The following CDH5 variants were observed in gnomAD, a reference collection of about 807,000 sequenced individuals.
CDH5 encodes the protein cadherin-5.
CDH5 carries 28 observed loss-of-function variants against 62.0 expected under a neutral mutation model. The ratio of observed to expected loss-of-function variants is 0.45; its 90% CI spans 0.33 to 0.62. The LOEUF (loss-of-function observed/expected upper bound fraction) is 0.62. Ranked by LOEUF, CDH5 falls within the 20% of genes least tolerant of loss-of-function variation. The pLI is 0.02. For synonymous variants in CDH5, 464 were observed against 445.8 expected (o/e 1.04, Z -0.52); for missense variants, 940 against 1,065.1 (o/e 0.88, Z 1.63).
At chr16:66,373,821 T>C (rs1202685559) in intron 1 of CDH5, among the ~76,000 whole-genome samples, 3 of 152,110 alleles carry the variant, frequency 2.0e-5, no homozygotes, top group Admixed American at 6.5e-5. Context: ...ATGACAACCA[T>C]TCATGAGTTG....
intron 1 of CDH5, among the ~76,000 whole-genome samples, chr16:66,369,193 A>G (rs531854107): frequency 4.3e-4 from 66 of 152,294 alleles, no homozygotes; most frequent in Non-Finnish European, 9.0e-4. Flanking sequence ...AGGAGGAGGA[A>G]GTGGGACCCA....
At position 66,402,752 on chromosome 16, in the gene CDH5, CGAG is replaced by C; in HGVS notation, c.1943_1945del (p.Glu648del). Reference sequence around the variant, plus strand: ...TCCACGAGCAGCTGGTCACCTACGACGAGGAGGGCGGCGGCGAGATGGACACCA... The same window carrying C: ...TCCACGAGCAGCTGGTCACCTACGACGAGGGCGGCGGCGAGATGGACACCA... On this transcript the variant is annotated inframe_deletion, in exon 12 of 12. Coordinates refer to ENST00000341529, the MANE Select transcript of CDH5 (RefSeq NM_001795.5). 1 of 1,609,186 alleles carries C rather than the reference CGAG, an allele frequency of 6.2e-7. No homozygotes were observed. Among genetic ancestry groups the C allele is most frequent in the Non-Finnish European group, 8.5e-7 (1 of 1,178,690 alleles).
At chr16:66,386,053 A>G (rs1447204734) in intron 2 of CDH5, among the ~76,000 whole-genome samples, 1 of 152,216 alleles carries the variant, frequency 6.6e-6, no homozygotes, top group Non-Finnish European at 1.5e-5. Context: ...CAATATTTCC[A>G]TTTTACAAAT....
chr16:66,392,610 T>G, intron 7 of CDH5: 1 of 566,942 alleles, frequency 1.8e-6, no homozygotes, highest in Non-Finnish European at 3.1e-6. Flanking sequence ...CCAGAGCTAC[T>G]TGTCCTCTGT....
rs531653769 is a variant in CDH5 at position 66,379,907 on chromosome 16, G to A, written c.210+360G>A. 2.3e-4 allele frequency among the ~76,000 whole-genome samples: 34 copies of A among 147,944 alleles called. 3 individuals are homozygous for A. The highest frequency in any genetic ancestry group is 2.0e-3 in the Admixed American group (30 of 14,820). On this transcript the variant is annotated intron_variant, in intron 2 of 11. Transcript: ENST00000341529. The stretch of plus-strand genomic sequence containing the variant: ...GATGGTGGTGATCACGGTGATGGTG[G>A]TGATGATAAAGGGGTAGGTGTTGGT...
chr16:66,402,095 A>G (rs983596938), intron 11 of CDH5, among the ~76,000 whole-genome samples: 6 of 152,146 alleles, frequency 3.9e-5, no homozygotes, highest in African/African-American at 1.4e-4. Flanking sequence ...AAATATAAAC[A>G]GAGCAGGGAG....
intron 10 of CDH5, among the ~76,000 whole-genome samples, 184 bp from the exon 11 acceptor site, chr16:66,400,587 T>A (rs1567468944): frequency 2.6e-5 from 4 of 151,940 alleles, no homozygotes; most frequent in South Asian, 2.1e-4. Flanking sequence ...CCCCAAAATA[T>A]CCCCTCTGTG....
At chr16:66,398,841 C>T (rs1961234895) in intron 10 of CDH5, among the ~76,000 whole-genome samples, 1 of 152,158 alleles carries the variant, frequency 6.6e-6, no homozygotes, top group African/African-American at 2.4e-5. Context: ...GGGCAGGCTC[C>T]CACTGGGATT....
intron 1 of CDH5, among the ~76,000 whole-genome samples, chr16:66,375,170 G>A (rs1960762752): frequency 6.6e-6 from 1 of 152,136 alleles, no homozygotes; most frequent in Admixed American, 6.5e-5. Context: ...ACTGAATGCT[G>A]TAGCCAATTT....
intron 2 of CDH5, among the ~76,000 whole-genome samples, chr16:66,385,643 A>T (rs1960970216): frequency 1.3e-5 from 2 of 152,208 alleles, no homozygotes; most frequent in Admixed American, 6.5e-5. Flanking sequence ...ATGTGATGTC[A>T]TCGAAGGCCA....
At chr16:66,368,617 T>C (rs1274225715) in intron 1 of CDH5, among the ~76,000 whole-genome samples, 1 of 152,210 alleles carries the variant, frequency 6.6e-6, no homozygotes, top group Non-Finnish European at 1.5e-5. Flanking sequence ...GACTGTTCCC[T>C]GTATCCTCTC....
chr16:66,379,265 G>A, intron 1 of CDH5, 54 bp from the exon 2 acceptor site: 2 of 1,307,596 alleles, frequency 1.5e-6, no homozygotes, highest in Non-Finnish European at 2.1e-6. Context: ...CTGTGTCTAA[G>A]TACTCCTTTC....
intron 4 of CDH5, 36 bp from the exon 5 acceptor site, chr16:66,389,322 C>A: frequency 6.3e-7 from 1 of 1,586,198 alleles, no homozygotes; most frequent in South Asian, 1.1e-5. Flanking sequence ...TTTCTAGAAG[C>A]TGGTAACATG....
chr16:66,402,669 T>C lies in CDH5; in HGVS notation c.1855T>C (p.Phe619Leu), dbSNP rs1961307379. The C allele has an allele frequency of 6.3e-7, 1 of 1,599,396 alleles. No individual in the cohort carries two copies. Among genetic ancestry groups the C allele is most frequent in the Non-Finnish European group, 8.5e-7 (1 of 1,174,456 alleles). The stretch of plus-strand genomic sequence containing the variant: ...GGCTGCAGTGATCACCCTGCTCATC[T>C]TCCTGCGGCGGCGGCTCCGGAAGCA... ...LTITVITLLI[F>L]LRRRLRKQAR... is the part of the protein sequence containing the mutation. Residue 619 changes from phenylalanine (F) to leucine (L), a missense_variant, in exon 12 of 12, where the codon TTC (phenylalanine) becomes CTC (leucine). Physicochemically the swap from Phe to Leu is conservative, Grantham distance 22 (BLOSUM62 0). Coordinates refer to ENST00000341529, the MANE Select transcript of CDH5 (RefSeq NM_001795.5).
chr16:66,390,465 G>A lies in CDH5; in HGVS notation c.844G>A (p.Val282Ile), dbSNP rs1961064042. 6.2e-7 allele frequency: 1 copy of A among 1,614,008 alleles called. No individual in the cohort carries two copies. ...GGGCACCTCTGTGGGCTCTCTGTTT[G>A]TTGAGGACCCAGATGAGCCCCAGAA... ...RVGTSVGSLF[V>I]EDPDEPQNRM... The change falls in exon 6 of 12, where the codon GTT (valine) becomes ATT (isoleucine). Residue 282 changes from valine to isoleucine, a missense_variant. Coordinates refer to ENST00000341529, the MANE Select transcript of CDH5 (RefSeq NM_001795.5).
chr16:66,383,054 G>C (rs1483308292), intron 2 of CDH5, among the ~76,000 whole-genome samples: 1 of 151,972 alleles, frequency 6.6e-6, no homozygotes, highest in Admixed American at 6.6e-5. Flanking sequence ...CCAACAGAGG[G>C]GCATCCTGCA....
In CDH5 at chr16:66,403,054, G is replaced by C. The variant is rs978846722; in HGVS notation, c.2240G>C (p.Gly747Ala). The C allele has an allele frequency of 1.9e-6, 3 of 1,613,496 alleles. No homozygotes were observed. The highest frequency in any genetic ancestry group is 4.5e-5 in the East Asian group (2 of 44,844). ...ESIAESLSSL[G>A]TDSSDSDVDY... ...ATAGCCGAGTCCCTCAGCTCCCTGG[G>C]CACCGACTCATCCGACTCTGACGTG... Residue 747 changes from glycine to alanine, a missense_variant, in exon 12 of 12, where the codon GGC becomes GCC. Coordinates refer to ENST00000341529, the MANE Select transcript of CDH5 (RefSeq NM_001795.5). The surrounding 1 kb of genome is among the most constrained non-coding windows in gnomAD (Gnocchi z 4.3).
chr16:66,377,663 A>G (rs77789388), intron 1 of CDH5: 22,851 of 152,374 alleles, frequency 0.15, 2,071 homozygotes, highest in East Asian at 0.27. Flanking sequence ...GTCTGTCTCC[A>G]TATGTGAGTC....
chr16:66,400,674 C>T (rs1035846727), intron 10 of CDH5, 97 bp from the exon 11 acceptor site: 12 of 1,463,190 alleles, frequency 8.2e-6, no homozygotes, highest in East Asian at 2.3e-5. Flanking sequence ...CCAGGGAGCA[C>T]GCAGGCTGGT....
Sources: gnomAD v4.1 joint callset for allele counts (sites outside exome capture counted in the v4.1 genomes callset) on GRCh38, gnomAD v4.1.1 for gene constraint, Gnocchi (gnomAD v3.1) non-coding constraint, MANE v1.5 for transcripts, NCBI Gene and HGNC (gene_info 2026-07-23, HGNC 2026-07-21) for gene names.